The following MEGF9 variants were observed in gnomAD, a reference collection of about 807,000 sequenced individuals.
MEGF9 encodes the protein multiple EGF like domains 9.
Under a neutral mutation model 46.8 loss-of-function variants are expected in MEGF9, and 6 were observed. That is an observed-to-expected ratio of 0.13 (90% confidence interval 0.07 to 0.25). The LOEUF (loss-of-function observed/expected upper bound fraction) is 0.25, where lower values mean the gene tolerates loss of function less well. Among genes scored for constraint, MEGF9 ranks in the 10% least tolerant of loss-of-function variants. MEGF9 has a pLI of 1.00. For missense variants in MEGF9, 683 were observed against 792.4 expected (o/e 0.86, Z 1.66); for synonymous variants, 302 against 330.7 (o/e 0.91, Z 0.94).
intron 1 of MEGF9, among the ~76,000 whole-genome samples, chr9:120,702,395 T>G (rs2043909585): frequency 6.6e-6 from 1 of 152,220 alleles, no homozygotes; most frequent in Non-Finnish European, 1.5e-5. Context: ...TTTTATTCAT[T>G]TTTAAATGTT....
chr9:120,691,407 T>A (rs982916006), intron 1 of MEGF9: 2 of 483,134 alleles, frequency 4.1e-6, no homozygotes, highest in Non-Finnish European at 8.5e-6. Flanking sequence ...TAAGTATCTT[T>A]ACGTTACTCT....
At chr9:120,637,365 C>T (rs778310577) in intron 2 of MEGF9, among the ~76,000 whole-genome samples, 3 of 151,656 alleles carry the variant, frequency 2.0e-5, no homozygotes, top group Non-Finnish European at 4.4e-5. Flanking sequence ...TCTCCACTAT[C>T]GTCCTATGAC....
Position 120,619,870 on chromosome 9 carries a change from A to AG in MEGF9, c.943+2745dup, listed in dbSNP as rs2043490379. On this transcript the variant is annotated intron_variant, in intron 3 of 5. Transcript: ENST00000373930. ...AAAATCTACTTCAATCTAAAACACA[A>AG]GGTATAGCAAAACAGTAGAGGGGGT... Among the ~76,000 whole-genome samples, 4 of 152,370 alleles carry AG rather than the reference A, an allele frequency of 2.6e-5. No homozygotes were observed. In the South Asian group the frequency reaches 8.3e-4, roughly 32 times the overall value.
chr9:120,609,769 G>A (rs1199028827), intron 4 of MEGF9, among the ~76,000 whole-genome samples: 2 of 152,000 alleles, frequency 1.3e-5, no homozygotes, highest in African/African-American at 4.8e-5. Context: ...TACACTAACA[G>A]GATCACCCTG....
At chr9:120,664,799 C>T (rs566031020) in intron 1 of MEGF9, among the ~76,000 whole-genome samples, 2 of 152,204 alleles carry the variant, frequency 1.3e-5, no homozygotes, top group African/African-American at 4.8e-5. Context: ...CAATCTACAG[C>T]CTTTTGCAAA....
chr9:120,678,402 C>G (rs1363118444), intron 1 of MEGF9, among the ~76,000 whole-genome samples: 1 of 152,212 alleles, frequency 6.6e-6, no homozygotes, highest in African/African-American at 2.4e-5. Flanking sequence ...TACCCTCCCA[C>G]CAACACTATA....
chr9:120,684,266 C>G (rs1161805095), intron 1 of MEGF9, among the ~76,000 whole-genome samples: 1 of 152,182 alleles, frequency 6.6e-6, no homozygotes, highest in African/African-American at 2.4e-5. Context: ...ATATTATACA[C>G]TGAAATTAAG....
At chr9:120,628,982 T>G (rs780079031) in intron 2 of MEGF9, among the ~76,000 whole-genome samples, 14 of 152,044 alleles carry the variant, frequency 9.2e-5, no homozygotes, top group Non-Finnish European at 1.9e-4. Context: ...TTTGTTTTGT[T>G]TTTTGTTTTT....
intron 2 of MEGF9, among the ~76,000 whole-genome samples, chr9:120,626,208 T>C (rs1162526645): frequency 6.6e-6 from 1 of 152,242 alleles, no homozygotes; most frequent in Non-Finnish European, 1.5e-5. Flanking sequence ...TAATGACATG[T>C]TGCTAGTAAA....
chr9:120,702,385 T>C (rs958639658), intron 1 of MEGF9, among the ~76,000 whole-genome samples: 9 of 152,214 alleles, frequency 5.9e-5, no homozygotes, highest in African/African-American at 1.2e-4. Context: ...TATCAGAACT[T>C]TTTATTCATT....
intron 1 of MEGF9, among the ~76,000 whole-genome samples, chr9:120,709,820 G>A (rs1163194053): frequency 2.6e-5 from 4 of 151,908 alleles, no homozygotes; most frequent in Non-Finnish European, 1.5e-5. Flanking sequence ...AGGCCGCGGT[G>A]GGCAGATTAC....
intron 1 of MEGF9, among the ~76,000 whole-genome samples, chr9:120,672,651 C>T (rs2043755128): frequency 6.6e-6 from 1 of 152,074 alleles, no homozygotes; most frequent in Non-Finnish European, 1.5e-5. Context: ...AATACTGTCT[C>T]TATTCACAGA....
Position 120,605,769 on chromosome 9 carries a change from T to G in MEGF9, c.1358-128A>C. ...AACATGATATTCTGCTTTAAGGTAATGCAAGTTAAAAATAATGTTTAAAGA... is the reference window on the plus strand; with the variant it reads ...AACATGATATTCTGCTTTAAGGTAAGGCAAGTTAAAAATAATGTTTAAAGA... On this transcript the variant is annotated intron_variant, in intron 5 of 5. Transcript: ENST00000373930. This position sits in a 1 kb window ranked among gnomAD's most constrained non-coding sequence, Gnocchi z 4.0. 1.4e-6 allele frequency: 1 copy of G among 706,094 alleles called. No homozygotes were observed. The highest frequency in any genetic ancestry group is 2.3e-6 in the Non-Finnish European group (1 of 428,280). The allele number at this position is 706,094 out of a possible 1,614,324, so 43.7% of individuals were successfully genotyped here.
chr9:120,689,849 C>G, intron 1 of MEGF9: 3 of 472,812 alleles, frequency 6.3e-6, no homozygotes, highest in Admixed American at 2.4e-5. Flanking sequence ...TTCTCTAAGA[C>G]AGCACCTTTA....
chr9:120,622,809 T>C (rs1170216625), intron 2 of MEGF9, 54 bp from the exon 3 acceptor site: 10 of 1,588,926 alleles, frequency 6.3e-6, no homozygotes, highest in African/African-American at 1.3e-5. Flanking sequence ...AAAAGTTGTA[T>C]TGAGTAACAC....
intron 2 of MEGF9, among the ~76,000 whole-genome samples, chr9:120,635,925 G>A (rs1057101053): frequency 1.3e-5 from 2 of 151,994 alleles, no homozygotes; most frequent in African/African-American, 4.8e-5. Context: ...TGTGCACCTG[G>A]TGGAACAATC....
chr9:120,646,289 A>G lies in MEGF9; in HGVS notation c.803+13085T>C, dbSNP rs562459564. Among the ~76,000 whole-genome samples the G allele has an allele frequency of 1.1e-3, 167 of 152,152 alleles. 3 individuals are homozygous for G. The highest frequency in any genetic ancestry group is 3.8e-3 in the African/African-American group (157 of 41,508). ...ATCTACTCATTCTCCTACTGCTACA[A>G]TCCAGTGTTGATCTTTCTCCTGCTT... On this transcript the variant is annotated intron_variant, in intron 2 of 5. Transcript: ENST00000373930.
chr9:120,663,741 G>A (rs1052157124), intron 1 of MEGF9, among the ~76,000 whole-genome samples: 1 of 152,124 alleles, frequency 6.6e-6, no homozygotes, highest in South Asian at 2.1e-4. Context: ...AGTAAATATG[G>A]AATAAACTCT....
intron 1 of MEGF9, among the ~76,000 whole-genome samples, chr9:120,686,248 G>A (rs1349080190): frequency 1.3e-5 from 2 of 152,056 alleles, no homozygotes; most frequent in Non-Finnish European, 2.9e-5. Flanking sequence ...CCGCCACCAC[G>A]CCTGGATAAT....
Sources: allele counts gnomAD v4.1 joint callset (sites outside exome capture counted in the v4.1 genomes callset), GRCh38; gene constraint gnomAD v4.1.1; non-coding constraint Gnocchi (gnomAD v3.1); transcripts MANE v1.5; gene names NCBI Gene and HGNC (gene_info 2026-07-23, HGNC 2026-07-21).